PCDHGB4: variants seen among roughly 807,000 people sequenced by gnomAD.
PCDHGB4 encodes protocadherin gamma-B4.
PCDHGB4 carries 38 observed loss-of-function variants against 60.5 expected under a neutral mutation model. The observed-to-expected ratio is 0.63, with a 90% CI of 0.48 to 0.82. The LOEUF (loss-of-function observed/expected upper bound fraction) is 0.82. PCDHGB4 is among the 40% of genes least tolerant of loss of function. The probability of loss-of-function intolerance (pLI) is 0.00; values close to 1 mark genes in which losing one functional copy is unlikely to be tolerated. For missense variants in PCDHGB4, 1,109 were observed against 1,209.6 expected, an observed-to-expected ratio of 0.92 and a Z score of 1.23; for synonymous variants, 456 against 509.7, an observed-to-expected ratio of 0.89 and a Z score of 1.42.
intron 1 of PCDHGB4, among the ~76,000 whole-genome samples, chr5:141,433,809 C>A (rs913637407): frequency 5.3e-5 from 8 of 149,948 alleles, no homozygotes; most frequent in Non-Finnish European, 1.2e-4. Flanking sequence ...TGCACTCCAG[C>A]CTGGGCAACA....
chr5:141,491,966 G>A lies in PCDHGB4; in HGVS notation c.2398-2841G>A. 1.1e-6 allele frequency: 1 copy of A among 943,066 alleles called. No individual in the cohort carries two copies. Among genetic ancestry groups the A allele is most frequent in the Non-Finnish European group, 1.5e-6 (1 of 669,210 alleles). The allele number at this position is 943,066 out of a possible 1,614,324, so 58.4% of individuals were successfully genotyped here. On this transcript the variant is annotated intron_variant, in intron 1 of 3. Coordinates refer to ENST00000519479, the MANE Select transcript of PCDHGB4 (RefSeq NM_003736.4). The surrounding 1 kb of genome is among the most constrained non-coding windows in gnomAD (Gnocchi z 6.9). ...CCACCCCTACACTCAAAAAAGGCCG[G>A]GGCCTCCTTCGAGCTTCCGGTGAAT...
intron 1 of PCDHGB4, chr5:141,400,587 C>T: frequency 6.2e-7 from 1 of 1,606,696 alleles, no homozygotes; most frequent in South Asian, 1.1e-5. Flanking sequence ...TTACATGAAA[C>T]TATCGTACAT....
intron 1 of PCDHGB4, chr5:141,407,995 C>A: frequency 1.2e-6 from 1 of 869,524 alleles, no homozygotes. Flanking sequence ...AGCCTCTGGC[C>A]TGGGATTCCC....
In PCDHGB4 at chr5:141,389,695, A is replaced by G; in HGVS notation, c.1811A>G (p.Tyr604Cys). The part of the protein sequence containing the change: ...ADSGHNAWLS[Y>C]HVLQASEPGL... Reference sequence around the variant, plus strand: ...TCAGGACACAACGCCTGGCTGTCCTACCACGTGCTGCAGGCTAGCGAGCCC... The same window carrying G: ...TCAGGACACAACGCCTGGCTGTCCTGCCACGTGCTGCAGGCTAGCGAGCCC... Residue 604 changes from tyrosine to cysteine, a missense_variant, in exon 1 of 4, where the codon TAC becomes TGC. This residue lies in a region of PCDHGB4 where 1,068 missense variants were observed against 1,089.9 expected (regional missense o/e 0.98). Transcript: ENST00000519479. 1 of 1,612,564 alleles carries G rather than the reference A, an allele frequency of 6.2e-7. No individual in the cohort carries two copies. The highest frequency in any genetic ancestry group is 8.5e-7 in the Non-Finnish European group (1 of 1,179,778).
In PCDHGB4 at chr5:141,413,207, C is replaced by G. The variant is rs563279284; in HGVS notation, c.2397+22926C>G. The G allele has an allele frequency of 2.1e-4, 334 of 1,612,874 alleles. 3 individuals carry two copies. In the South Asian group the frequency reaches 3.4e-3, roughly 17 times the overall value. On this transcript the variant is annotated intron_variant, in intron 1 of 3. Coordinates refer to ENST00000519479, the MANE Select transcript of PCDHGB4 (RefSeq NM_003736.4). ...GCTCAAAGGAATCGCTCAAAGGAAT[C>G]AAAGGATTGCAGCGGGCTGGTCCTG... is the stretch of plus-strand genomic sequence containing the variant.
chr5:141,432,070 T>C lies in PCDHGB4; in HGVS notation c.2397+41789T>C. 6.2e-7 allele frequency: 1 copy of C among 1,614,136 alleles called. No homozygotes were observed. The highest frequency in any genetic ancestry group is 2.2e-5 in the East Asian group (1 of 44,860). ...CCCCGCCCCTATCCACGGAAACTCATATCTCGCTGAACGTGGCAGACACCA... is the reference window on the plus strand; with the variant it reads ...CCCCGCCCCTATCCACGGAAACTCACATCTCGCTGAACGTGGCAGACACCA... On this transcript the variant is annotated intron_variant, in intron 1 of 3. Transcript: ENST00000519479. The surrounding 1 kb of genome is among the most constrained non-coding windows in gnomAD (Gnocchi z 6.0).
chr5:141,469,103 C>A (rs949254605), intron 1 of PCDHGB4, among the ~76,000 whole-genome samples: 2 of 151,844 alleles, frequency 1.3e-5, no homozygotes, highest in African/African-American at 2.4e-5. Context: ...AAAGCAAGAA[C>A]CTGTCTCTAA....
chr5:141,433,174 G>A (rs1298757358), intron 1 of PCDHGB4: 1 of 1,610,308 alleles, frequency 6.2e-7, no homozygotes, highest in Non-Finnish European at 8.5e-7. Context: ...ACAGTCATGG[G>A]TTAATTGAGG....
At chr5:141,398,764 A>G in intron 1 of PCDHGB4, 2 of 1,613,924 alleles carry the variant, frequency 1.2e-6, no homozygotes, top group East Asian at 4.5e-5. Context: ...TTTAGTCCTG[A>G]CTGCCTTGGA....
chr5:141,404,860 T>G (rs3749769), intron 1 of PCDHGB4: 7 of 1,613,630 alleles, frequency 4.3e-6, no homozygotes, highest in Admixed American at 1.7e-5. Context: ...TAGATAGAGA[T>G]GCGCTCAAAC....
Position 141,389,055 on chromosome 5 carries a change from A to T in PCDHGB4, c.1171A>T (p.Lys391Ter). ...TAAATTGGAAGGTGATGTTCCATTT[A>T]AAATATTAACTTCTTCAAGAAACAC... ...TCKLEGDVPF[K>*]ILTSSRNTYK... The change falls in exon 1 of 4, where the codon AAA becomes TAA. Residue 391 changes from lysine to a stop codon, truncating the protein, a stop_gained. Transcript: ENST00000519479. LOFTEE classifies it high-confidence loss of function. 1 of 1,613,996 alleles carries T rather than the reference A, an allele frequency of 6.2e-7. No homozygotes were observed. Among genetic ancestry groups the T allele is most frequent in the Middle Eastern group, 1.6e-4 (1 of 6,062 alleles).
chr5:141,399,263 A>G, intron 1 of PCDHGB4: 9 of 1,613,918 alleles, frequency 5.6e-6, no homozygotes, highest in Non-Finnish European at 7.6e-6. Context: ...GGGGAGGTTA[A>G]TTGTCAATTA....
At chr5:141,494,305 C>T (rs544773836) in intron 1 of PCDHGB4, among the ~76,000 whole-genome samples, 1 of 152,346 alleles carries the variant, frequency 6.6e-6, no homozygotes, top group East Asian at 1.9e-4. Context: ...GAATGTGTCA[C>T]TGCACAACCT....
intron 1 of PCDHGB4, chr5:141,492,013 T>G: frequency 1.6e-6 from 1 of 610,970 alleles, no homozygotes; most frequent in Non-Finnish European, 2.7e-6. Context: ...TCCGCGGGTG[T>G]CGGGGGTCCC....
At chr5:141,442,089 C>A in intron 1 of PCDHGB4, 1 of 170,684 alleles carries the variant, frequency 5.9e-6, no homozygotes, top group South Asian at 1.1e-4. Context: ...CTCGCTACCG[C>A]CACGTCACCA....
At chr5:141,481,860 G>A (rs1379910129) in intron 1 of PCDHGB4, among the ~76,000 whole-genome samples, 1 of 148,492 alleles carries the variant, frequency 6.7e-6, no homozygotes, top group Non-Finnish European at 1.5e-5. Context: ...GTTGCAGTGA[G>A]CCGAGATCGC....
intron 1 of PCDHGB4, among the ~76,000 whole-genome samples, chr5:141,444,838 T>G (rs2098448876): frequency 6.6e-6 from 1 of 152,214 alleles, no homozygotes; most frequent in African/African-American, 2.4e-5. Context: ...AGCTTTATAG[T>G]AAGTCTTGCT....
intron 1 of PCDHGB4, chr5:141,407,908 G>C (rs1431775491): frequency 2.4e-6 from 1 of 420,166 alleles, no homozygotes; most frequent in Non-Finnish European, 4.2e-6. Flanking sequence ...ATGAAAAACC[G>C]GGCTGCTGTC....
intron 1 of PCDHGB4, chr5:141,414,983 G>C: frequency 6.2e-7 from 1 of 1,613,716 alleles, no homozygotes; most frequent in Non-Finnish European, 8.5e-7. Context: ...AGAGACTCCG[G>C]CCAGAACGCC....
Sources: gnomAD v4.1 joint callset for allele counts (sites outside exome capture counted in the v4.1 genomes callset) on GRCh38, gnomAD v4.1.1 for gene constraint, gnomAD v4.1.1 regional missense constraint, Gnocchi (gnomAD v3.1) non-coding constraint, MANE v1.5 for transcripts, NCBI Gene and HGNC (gene_info 2026-07-23, HGNC 2026-07-21) for gene names.